Variants in ZFHX3 observed in about 807,000 individuals in gnomAD.
The protein encoded by ZFHX3 is zinc finger homeobox 3, also known as zinc finger homeobox protein 3.
A neutral mutation model predicts 279.1 loss-of-function variants in ZFHX3; 42 were observed. That is an observed-to-expected ratio of 0.15 (90% confidence interval 0.12 to 0.19). The LOEUF (loss-of-function observed/expected upper bound fraction) is 0.19, where lower values mean the gene tolerates loss of function less well. Among genes scored for constraint, ZFHX3 ranks in the 10% least tolerant of loss-of-function variants. The probability of loss-of-function intolerance (pLI) is 1.00; values close to 1 mark genes in which losing one functional copy is unlikely to be tolerated. For missense variants in ZFHX3, 4,981 were observed against 4,754.0 expected (o/e 1.05, Z -1.40); for synonymous variants, 2,293 against 1,957.8 (o/e 1.17, Z -4.52).
chr16:73,269,641 T>C (rs181366441), intron 4 of ZFHX3, among the ~76,000 whole-genome samples: 7 of 152,332 alleles, frequency 4.6e-5, no homozygotes, highest in Admixed American at 3.3e-4. Flanking sequence ...TTTGTTTGGG[T>C]ATATGTTTTT....
chr16:73,054,084 A>G (rs1372824215), intron 1 of ZFHX3, among the ~76,000 whole-genome samples: 6 of 151,990 alleles, frequency 3.9e-5, no homozygotes. Context: ...ATAAAACCAG[A>G]AGGAGCCCAA....
chr16:73,485,473 C>G (rs948037007), intron 2 of ZFHX3, among the ~76,000 whole-genome samples: 1 of 147,862 alleles, frequency 6.8e-6, no homozygotes, highest in African/African-American at 2.5e-5. Context: ...AATAATTTTT[C>G]TTAAGAAAAA....
At chr16:73,415,785 G>A (rs1000710256) in intron 3 of ZFHX3, among the ~76,000 whole-genome samples, 1 of 152,146 alleles carries the variant, frequency 6.6e-6, no homozygotes, top group African/African-American at 2.4e-5. Flanking sequence ...TAGGATCACA[G>A]CATTTTAGAG....
intron 5 of ZFHX3, among the ~76,000 whole-genome samples, chr16:73,252,142 C>T (rs2013528785): frequency 6.6e-6 from 1 of 152,154 alleles, no homozygotes; most frequent in Admixed American, 6.5e-5. Context: ...TTTTTAGCTG[C>T]TGGGCAGGAA....
chr16:73,067,897 C>A (rs910326461), intron 8 of ZFHX3, among the ~76,000 whole-genome samples: 3 of 152,146 alleles, frequency 2.0e-5, no homozygotes, highest in Non-Finnish European at 4.4e-5. Context: ...CCCAACCCAC[C>A]ACCAAATGAT....
intron 1 of ZFHX3, among the ~76,000 whole-genome samples, chr16:73,728,954 T>G (rs1249568796): frequency 2.0e-5 from 3 of 151,974 alleles, no homozygotes; most frequent in Non-Finnish European, 4.4e-5. Context: ...CAGCAGACAG[T>G]TCCCATCCAC....
At position 72,811,895 on chromosome 16, in the gene ZFHX3, C is replaced by G. The variant is rs753676300; in HGVS notation, c.3663+10G>C. The G allele has an allele frequency of 3.1e-6, 5 of 1,600,308 alleles. No individual in the cohort carries two copies. In the Admixed American group the frequency reaches 5.0e-5, roughly 16 times the overall value. On this transcript the variant is annotated intron_variant, in intron 6 of 9. Transcript: ENST00000268489. ...CACCTCCCCACCAGCAGAGTCCCTT[C>G]CAGCCTCACCTGCTCCGGTTTGATC...
chr16:72,865,630 G>A (rs1567554224), intron 4 of ZFHX3, among the ~76,000 whole-genome samples: 1 of 26,212 alleles, frequency 3.8e-5, no homozygotes, highest in Non-Finnish European at 6.8e-5. Context: ...TTTTGCTACT[G>A]AGATGGAGGG....
chr16:73,766,624 A>G (rs913643652), intron 1 of ZFHX3, among the ~76,000 whole-genome samples: 2 of 152,224 alleles, frequency 1.3e-5, no homozygotes, highest in African/African-American at 2.4e-5. Context: ...TTTGGTGGAG[A>G]AAGAATGATG....
intron 5 of ZFHX3, among the ~76,000 whole-genome samples, chr16:73,254,161 G>A (rs2013595426): frequency 1.3e-5 from 2 of 152,056 alleles, no homozygotes; most frequent in Admixed American, 1.3e-4. Flanking sequence ...ACAGGCAATG[G>A]TTGCTTGGGG....
intron 7 of ZFHX3, chr16:73,127,418 G>A (rs1452925507): frequency 2.3e-6 from 3 of 1,305,434 alleles, no homozygotes; most frequent in Admixed American, 2.3e-5. Context: ...TTCCCAGGTA[G>A]TAGCTGGAGC....
At chr16:73,258,298 T>C (rs960205349) in intron 4 of ZFHX3, among the ~76,000 whole-genome samples, 1 of 151,674 alleles carries the variant, frequency 6.6e-6, no homozygotes, top group Admixed American at 6.6e-5. Context: ...TTATTTGACT[T>C]CAAGGCTTAT....
intron 5 of ZFHX3, among the ~76,000 whole-genome samples, chr16:73,227,488 T>A (rs1027635656): frequency 1.3e-5 from 2 of 152,166 alleles, no homozygotes; most frequent in African/African-American, 4.8e-5. Context: ...AATTTAATTT[T>A]TTTAAGAAAA....
intron 1 of ZFHX3, among the ~76,000 whole-genome samples, chr16:73,023,207 C>T (rs1477262345): frequency 1.3e-5 from 2 of 152,196 alleles, no homozygotes; most frequent in East Asian, 1.9e-4. Flanking sequence ...AGCCTGGCGA[C>T]AGAGCAAGAC....
rs1314712000 is a variant in ZFHX3 at position 72,870,715 on chromosome 16, C to T, written c.3448+19016G>A. Among the ~76,000 whole-genome samples the T allele has an allele frequency of 6.2e-5, 4 of 64,836 alleles. No individual in the cohort carries two copies. The East Asian group carries it at 1.9e-3, about 31-fold the overall frequency. 42.5% of individuals were successfully genotyped at this position (64,836 alleles called of 152,430 possible). ...CCTGGGCGACAGAGCAAGACTCTGT[C>T]TCAAAAAAAAAAAAAAAAAAAGAAA... On this transcript the variant is annotated intron_variant, in intron 4 of 9. Coordinates refer to ENST00000268489, the MANE Select transcript of ZFHX3 (RefSeq NM_006885.4).
chr16:72,799,200 C>T (rs924865784), intron 8 of ZFHX3, among the ~76,000 whole-genome samples: 1 of 152,164 alleles, frequency 6.6e-6, no homozygotes, highest in Non-Finnish European at 1.5e-5. Flanking sequence ...TGCTGAACAT[C>T]GTAATATAAG....
intron 1 of ZFHX3, among the ~76,000 whole-genome samples, chr16:73,046,914 A>C (rs1325355829): frequency 6.7e-6 from 1 of 149,126 alleles, no homozygotes; most frequent in East Asian, 2.0e-4. Flanking sequence ...GGGAGGGATG[A>C]CCCTCCTGGA....
intron 3 of ZFHX3, among the ~76,000 whole-genome samples, chr16:72,893,137 T>C (rs2038814453): frequency 6.6e-6 from 1 of 152,188 alleles, no homozygotes; most frequent in Non-Finnish European, 1.5e-5. Flanking sequence ...AAGAATGATA[T>C]TCATTAAAGC....
chr16:73,451,615 C>T (rs1450032190), intron 3 of ZFHX3, among the ~76,000 whole-genome samples: 3 of 152,188 alleles, frequency 2.0e-5, no homozygotes, highest in Non-Finnish European at 4.4e-5. Flanking sequence ...GAGCCACCTG[C>T]ACTCTGGGTG....
Sources: gnomAD v4.1 joint callset for allele counts (sites outside exome capture counted in the v4.1 genomes callset) on GRCh38, gnomAD v4.1.1 for gene constraint, MANE v1.5 for transcripts, NCBI Gene and HGNC (gene_info 2026-07-23, HGNC 2026-07-21) for gene names.